Variants in EPHA6 observed in about 807,000 individuals in gnomAD.
EPHA6 encodes EPH receptor A6.
Under a neutral mutation model 112.0 loss-of-function variants are expected in EPHA6, and 50 were observed. That is an observed-to-expected ratio of 0.45 (90% CI 0.36 to 0.56). EPHA6 has a LOEUF of 0.56. EPHA6 is among the 20% of genes least tolerant of loss of function. The pLI is 0.00. For synonymous variants in EPHA6, 529 were observed against 490.7 expected, an observed-to-expected ratio of 1.08 and a Z score of -1.03; for missense variants, 1,280 against 1,417.4, an observed-to-expected ratio of 0.90 and a Z score of 1.56.
At position 97,304,557 on chromosome 3, in the gene EPHA6, A is replaced by G. The variant is rs539445666; in HGVS notation, c.1606+60270A>G. 3.3e-5 allele frequency among the ~76,000 whole-genome samples: 5 copies of G among 152,218 alleles called. No individual in the cohort carries two copies. The East Asian group carries it at 9.7e-4, about 29-fold the overall frequency. On this transcript the variant is annotated intron_variant, in intron 5 of 17. Coordinates refer to ENST00000389672, the MANE Select transcript of EPHA6 (RefSeq NM_001080448.3). ...GGCACAAAAACAAAAACATAGACCA[A>G]TGGAACAGAATAGAGATCTCAGAAA... is the stretch of plus-strand genomic sequence containing the variant.
At chr3:97,082,298 T>C (rs1370228914) in intron 3 of EPHA6, among the ~76,000 whole-genome samples, 2 of 151,938 alleles carry the variant, frequency 1.3e-5, no homozygotes, top group Non-Finnish European at 2.9e-5. Context: ...AAAAATTGTT[T>C]ATGAATCAGA....
chr3:97,315,524 A>T (rs1316573895), intron 5 of EPHA6, among the ~76,000 whole-genome samples: 1 of 151,726 alleles, frequency 6.6e-6, no homozygotes, highest in Non-Finnish European at 1.5e-5. Flanking sequence ...AGGATGATAG[A>T]CAAGGGGAAG....
intron 3 of EPHA6, among the ~76,000 whole-genome samples, chr3:97,128,831 T>G (rs1031910908): frequency 2.7e-5 from 4 of 150,826 alleles, no homozygotes; most frequent in African/African-American, 9.9e-5. Context: ...TTTTTAGGTA[T>G]TTTTACACTT....
chr3:97,707,409 C>CA (rs965571237), intron 14 of EPHA6, among the ~76,000 whole-genome samples: 4 of 152,044 alleles, frequency 2.6e-5, no homozygotes, highest in Non-Finnish European at 5.9e-5. Flanking sequence ...ATGCTAGGTG[C>CA]AAAATGAGTG....
At chr3:97,042,212 G>A (rs9864536) in intron 3 of EPHA6, among the ~76,000 whole-genome samples, 2,775 of 152,078 alleles carry the variant, frequency 0.018, 72 homozygotes, top group African/African-American at 0.052. Flanking sequence ...GCTTAATGCC[G>A]ACTTCATGAT....
intron 17 of EPHA6, among the ~76,000 whole-genome samples, chr3:97,747,839 G>T (rs961385292): frequency 1.3e-5 from 2 of 151,966 alleles, no homozygotes; most frequent in African/African-American, 4.8e-5. Context: ...TAGACTTTAT[G>T]TCAACTTAAT....
intron 3 of EPHA6, among the ~76,000 whole-genome samples, chr3:97,205,248 G>A (rs1296734086): frequency 2.0e-5 from 3 of 151,982 alleles, no homozygotes; most frequent in Non-Finnish European, 2.9e-5. Context: ...GAAATTTTAG[G>A]TAAGATCTAA....
chr3:97,502,832 C>CAAAAAAAAAAAA lies in EPHA6; in HGVS notation c.2200+18790_2200+18801dup, dbSNP rs397990595. The stretch of plus-strand genomic sequence containing the variant: ...CTGGTAAAAGAGCAAGACTCTGTCT[C>CAAAAAAAAAAAA]AAAAAAAAAAAAAAAAAAAAAAAAA... On this transcript the variant is annotated intron_variant, in intron 10 of 17. Coordinates refer to ENST00000389672, the MANE Select transcript of EPHA6 (RefSeq NM_001080448.3). Among the ~76,000 whole-genome samples, 5 of 35,898 alleles carry CAAAAAAAAAAAA rather than the reference C, an allele frequency of 1.4e-4. 1 individual carries two copies. Among genetic ancestry groups the CAAAAAAAAAAAA allele is most frequent in the Non-Finnish European group, 1.9e-4 (4 of 20,526 alleles). The allele number at this position is 35,898 out of a possible 152,430, so 23.6% of individuals were successfully genotyped here. A position where few individuals can be genotyped will look rare whatever the true frequency, so the allele number is the denominator to read the frequency against.
At chr3:97,605,185 T>A (rs1012409452) in intron 12 of EPHA6, among the ~76,000 whole-genome samples, 2 of 151,482 alleles carry the variant, frequency 1.3e-5, no homozygotes, top group African/African-American at 4.8e-5. Context: ...GCTGCTTTTT[T>A]TTTAAAGTAT....
chr3:97,489,220 C>G (rs2091773474), intron 10 of EPHA6, among the ~76,000 whole-genome samples: 1 of 152,224 alleles, frequency 6.6e-6, no homozygotes, highest in Non-Finnish European at 1.5e-5. Context: ...CCTCAATATA[C>G]TTTGTGATAT....
At chr3:96,868,674 T>A (rs1295286257) in intron 2 of EPHA6, among the ~76,000 whole-genome samples, 1 of 151,984 alleles carries the variant, frequency 6.6e-6, no homozygotes, top group African/African-American at 2.4e-5. Context: ...AAGAGACATG[T>A]AGACAATATA....
intron 2 of EPHA6, among the ~76,000 whole-genome samples, chr3:96,974,996 G>C (rs2042465499): frequency 6.6e-6 from 1 of 152,102 alleles, no homozygotes; most frequent in African/African-American, 2.4e-5. Context: ...CTATGTTTTG[G>C]TCAGGTGGTA....
At chr3:97,521,887 TA>T (rs1421321184) in intron 10 of EPHA6, among the ~76,000 whole-genome samples, 6 of 140,180 alleles carry the variant, frequency 4.3e-5, no homozygotes, top group African/African-American at 1.6e-4. Context: ...AAGTGTAGGA[TA>T]GTGACTACCA....
At chr3:97,097,830 A>T (rs2047287019) in intron 3 of EPHA6, among the ~76,000 whole-genome samples, 1 of 151,922 alleles carries the variant, frequency 6.6e-6, no homozygotes. Context: ...TATGCAGCTA[A>T]TGTATCCAAA....
chr3:97,575,916 GT>G (rs1279943697), intron 11 of EPHA6, among the ~76,000 whole-genome samples: 1 of 152,072 alleles, frequency 6.6e-6, no homozygotes, highest in African/African-American at 2.4e-5. Flanking sequence ...AGAAAGACAG[GT>G]TTTCACTACA....
At chr3:97,203,256 G>A (rs1161581818) in intron 3 of EPHA6, among the ~76,000 whole-genome samples, 1 of 152,012 alleles carries the variant, frequency 6.6e-6, no homozygotes, top group Non-Finnish European at 1.5e-5. Flanking sequence ...AGAGTCATTG[G>A]GATAATTCAA....
In EPHA6 at chr3:97,596,964, T is replaced by A. The variant is rs552755346; in HGVS notation, c.2512+4227T>A. 4.8e-5 allele frequency among the ~76,000 whole-genome samples: 7 copies of A among 146,878 alleles called. No homozygotes were observed. In the South Asian group the frequency reaches 1.5e-3, roughly 31 times the overall value. On this transcript the variant is annotated intron_variant, in intron 12 of 17. Transcript: ENST00000389672. Reference sequence around the variant, plus strand: ...ATAGAGATATATACAGAGAGATAGATAAATATGGAATATATATATATGGAA... The same window carrying A: ...ATAGAGATATATACAGAGAGATAGAAAAATATGGAATATATATATATGGAA...
At chr3:97,303,470 A>G (rs1305882256) in intron 5 of EPHA6, among the ~76,000 whole-genome samples, 1 of 152,004 alleles carries the variant, frequency 6.6e-6, no homozygotes, top group African/African-American at 2.4e-5. Flanking sequence ...AGAATTTATG[A>G]ATTAATTAGG....
chr3:97,472,967 A>T (rs1348237395), intron 7 of EPHA6, among the ~76,000 whole-genome samples: 2 of 149,916 alleles, frequency 1.3e-5, no homozygotes, highest in Non-Finnish European at 3.0e-5. Flanking sequence ...AACTGTTTAA[A>T]CTAGGAATGA....
Sources: allele counts gnomAD v4.1 joint callset (sites outside exome capture counted in the v4.1 genomes callset), GRCh38; gene constraint gnomAD v4.1.1; transcripts MANE v1.5; gene names NCBI Gene and HGNC (gene_info 2026-07-23, HGNC 2026-07-21).